The following DHX30 variants were observed in gnomAD, a reference collection of about 807,000 sequenced individuals.
DHX30 encodes ATP-dependent RNA helicase DHX30.
Under a neutral mutation model 116.9 loss-of-function variants are expected in DHX30, and 4 were observed. The ratio of observed to expected loss-of-function variants is 0.03; its 90% CI spans 0.02 to 0.08. The LOEUF (loss-of-function observed/expected upper bound fraction) is 0.08. DHX30 is among the 10% of genes least tolerant of loss of function. DHX30 has a pLI of 1.00. For synonymous variants in DHX30, 697 were observed against 651.7 expected (o/e 1.07, Z -1.06); for missense variants, 871 against 1,595.1 (o/e 0.55, Z 7.73).
intron 7 of DHX30, among the ~76,000 whole-genome samples, 185 bp downstream of exon 7, chr3:47,841,363 G>T (rs1356998394): frequency 1.3e-5 from 2 of 152,260 alleles, no homozygotes; most frequent in African/African-American, 2.4e-5. Flanking sequence ...CTTCTATGTG[G>T]CTGGGCTTTT....
At chr3:47,828,730 C>T (rs899675444) in intron 5 of DHX30, among the ~76,000 whole-genome samples, 4 of 92,116 alleles carry the variant, frequency 4.3e-5, no homozygotes, top group Non-Finnish European at 1.1e-4. Context: ...AAGACTCTGT[C>T]TCAAAAAAAA....
intron 3 of DHX30, among the ~76,000 whole-genome samples, chr3:47,814,890 A>G (rs1026866788): frequency 2.8e-5 from 4 of 145,182 alleles, no homozygotes; most frequent in Admixed American, 2.1e-4. Flanking sequence ...TAAAAAAATA[A>G]TTTTTTTTTT....
At chr3:47,832,794 G>T (rs941779385) in intron 6 of DHX30, among the ~76,000 whole-genome samples, 1 of 151,740 alleles carries the variant, frequency 6.6e-6, no homozygotes, top group Non-Finnish European at 1.5e-5. Flanking sequence ...GTGCCACCAT[G>T]CTCAGCTAAT....
rs750367569 is a variant in DHX30 at position 47,847,377 on chromosome 3, A to G, written c.2005+29A>G. On this transcript the variant is annotated intron_variant, in intron 12 of 21. Coordinates refer to ENST00000445061, the MANE Select transcript of DHX30 (RefSeq NM_138615.3). The surrounding 1 kb of genome is among the most constrained non-coding windows in gnomAD (Gnocchi z 5.5). Reference sequence around the variant, plus strand: ...GGTGCCTCCCCATCTGTCCCATGCTAGCCCTGGCCACGTTTGCAGCAACAG... The same window carrying G: ...GGTGCCTCCCCATCTGTCCCATGCTGGCCCTGGCCACGTTTGCAGCAACAG... The G allele has an allele frequency of 1.2e-6, 2 of 1,614,194 alleles. No individual in the cohort carries two copies. Among genetic ancestry groups the G allele is most frequent in the Admixed American group, 3.3e-5 (2 of 60,034 alleles).
At chr3:47,814,820 G>GT (rs1479211969) in intron 3 of DHX30, among the ~76,000 whole-genome samples, 1 of 151,458 alleles carries the variant, frequency 6.6e-6, no homozygotes, top group Non-Finnish European at 1.5e-5. Flanking sequence ...ACGCCCGGCC[G>GT]TTTTTTGTTA....
intron 3 of DHX30, chr3:47,816,411 G>A (rs1386494056): frequency 4.8e-5 from 47 of 979,564 alleles, no homozygotes; most frequent in Non-Finnish European, 5.6e-5. Context: ...AGGCTGGAGT[G>A]CAATGGCGCG....
rs147047248 is a variant in DHX30, at chr3:47,843,228, G to A, written c.912G>A (p.Ala304=). 1.9e-4 allele frequency: 303 copies of A among 1,614,268 alleles called. No individual in the cohort carries two copies. The highest frequency in any genetic ancestry group is 1.8e-4 in the Non-Finnish European group (216 of 1,180,046). The change falls in exon 9 of 22, where the codon GCG becomes GCA. Residue 304 remains alanine (A), a synonymous_variant. Transcript: ENST00000445061. ...GCAAAGCAGAGGCTGAGAATAAGGC[G>A]GCAGCCTTGGCCTGCAAGAAACTGA... ...GRRKAEAENK[A]AALACKKLKS...
intron 3 of DHX30, among the ~76,000 whole-genome samples, chr3:47,812,623 G>T (rs2035851614): frequency 2.0e-5 from 3 of 151,236 alleles, no homozygotes; most frequent in Admixed American, 1.3e-4. Flanking sequence ...AGCCATGAGG[G>T]ATCCATTCTG....
intron 6 of DHX30, 63 bp from the exon 7 acceptor site, chr3:47,840,814 G>T: frequency 6.2e-7 from 1 of 1,603,042 alleles, no homozygotes; most frequent in Non-Finnish European, 8.5e-7. Context: ...AGCTGGACAC[G>T]GACCAGGCCG....
chr3:47,847,336 C>T lies in DHX30; in HGVS notation c.1993C>T (p.Arg665Cys), dbSNP rs147660800. 25 of 1,614,108 alleles carry T rather than the reference C, an allele frequency of 1.5e-5. No individual in the cohort carries two copies. Among genetic ancestry groups the T allele is most frequent in the East Asian group, 4.5e-5 (2 of 44,896 alleles). The change falls in exon 12 of 22, where the codon CGC becomes TGC. Residue 665 changes from arginine to cysteine, a missense_variant. Coordinates refer to ENST00000445061, the MANE Select transcript of DHX30 (RefSeq NM_138615.3). The surrounding 1 kb of genome is among the most constrained non-coding windows in gnomAD (Gnocchi z 5.5). Reference sequence around the variant, plus strand: ...TGATCTGGTTCTGCACATCGATGCTCGCGGGGAACCAGGTGGGTGCCTCCC... The same window carrying T: ...TGATCTGGTTCTGCACATCGATGCTTGCGGGGAACCAGGTGGGTGCCTCCC... ...VTDLVLHIDA[R>C]GEPGGILCFL... is the part of the protein sequence containing the mutation.
intron 6 of DHX30, among the ~76,000 whole-genome samples, chr3:47,837,628 G>A (rs1384759688): frequency 6.6e-6 from 1 of 152,188 alleles, no homozygotes; most frequent in African/African-American, 2.4e-5. Flanking sequence ...GGGCCTGGTG[G>A]CGTACGCCTG....
chr3:47,827,502 A>T, intron 5 of DHX30, 25 bp downstream of exon 5: 1 of 1,603,660 alleles, frequency 6.2e-7, no homozygotes, highest in Non-Finnish European at 8.5e-7. Context: ...GGCAAGGAAA[A>T]ACATTGGTAT....
At chr3:47,832,240 T>C (rs1216942234) in intron 6 of DHX30, among the ~76,000 whole-genome samples, 1 of 152,088 alleles carries the variant, frequency 6.6e-6, no homozygotes, top group Non-Finnish European at 1.5e-5. Flanking sequence ...CACAGTGCTC[T>C]GTAGCCTTGG....
intron 4 of DHX30, among the ~76,000 whole-genome samples, chr3:47,826,291 T>G (rs1559699901): frequency 6.6e-6 from 1 of 152,160 alleles, no homozygotes; most frequent in African/African-American, 2.4e-5. Context: ...CCTAGGTAGA[T>G]ATCTCTTCCC....
chr3:47,849,860 C>T lies in DHX30; in HGVS notation c.3332-7C>T, dbSNP rs753677355. 6 of 1,611,568 alleles carry T rather than the reference C, an allele frequency of 3.7e-6. No individual in the cohort carries two copies. The highest frequency in any genetic ancestry group is 3.3e-5 in the Admixed American group (2 of 59,956). ...ACAGTTCCCCACCATCTTTTCCATT[C>T]CCTCAGATGACGGGCGCCGGGCCAC... On this transcript the variant is annotated splice_polypyrimidine_tract_variant and splice_region_variant and intron_variant, in intron 21 of 21. Coordinates refer to ENST00000445061, the MANE Select transcript of DHX30 (RefSeq NM_138615.3).
At chr3:47,846,129 C>CT in intron 10 of DHX30, 36 bp from the exon 11 acceptor site, 1 of 1,585,624 alleles carries the variant, frequency 6.3e-7, no homozygotes. Flanking sequence ...TGAGGAATTT[C>CT]TTTTTCATTG....
intron 21 of DHX30, 21 bp downstream of exon 21, chr3:47,849,790 C>T (rs199802202): frequency 2.9e-4 from 461 of 1,608,170 alleles, no homozygotes; most frequent in Non-Finnish European, 3.6e-4. Context: ...GCAGGCCTCC[C>T]GCCCACCCCG....
chr3:47,818,802 G>A (rs1005918821), intron 4 of DHX30, among the ~76,000 whole-genome samples: 3 of 152,146 alleles, frequency 2.0e-5, no homozygotes, highest in Non-Finnish European at 4.4e-5. Context: ...TTCCAGGCCT[G>A]CTAAGGCCAG....
At chr3:47,845,562 C>T in intron 9 of DHX30, 138 bp from the exon 10 acceptor site, 3 of 919,210 alleles carry the variant, frequency 3.3e-6, no homozygotes, top group Non-Finnish European at 4.5e-6. Flanking sequence ...ATTTCTCCCT[C>T]CATCACCATG....
Sources: gnomAD v4.1 joint callset for allele counts (sites outside exome capture counted in the v4.1 genomes callset) on GRCh38, gnomAD v4.1.1 for gene constraint, Gnocchi (gnomAD v3.1) non-coding constraint, MANE v1.5 for transcripts, NCBI Gene and HGNC (gene_info 2026-07-23, HGNC 2026-07-21) for gene names.